The following KCNQ3 variants were observed in gnomAD, a reference collection of about 807,000 sequenced individuals.
KCNQ3 encodes the protein potassium voltage-gated channel subfamily KQT member 3.
A neutral mutation model predicts 92.5 loss-of-function variants in KCNQ3; 30 were observed. The observed-to-expected ratio is 0.32, with a 90% confidence interval of 0.24 to 0.44. KCNQ3 has a LOEUF of 0.44. Ranked by LOEUF, KCNQ3 falls within the 20% of genes least tolerant of loss-of-function variation. The pLI, the probability that KCNQ3 is intolerant of heterozygous loss-of-function variation, is 1.00. For synonymous variants in KCNQ3, 450 were observed against 468.8 expected (o/e 0.96, Z 0.52); for missense variants, 913 against 1,140.3 (o/e 0.80, Z 2.87).
intron 1 of KCNQ3, among the ~76,000 whole-genome samples, chr8:132,477,493 A>C (rs1822441876): frequency 6.6e-6 from 1 of 152,234 alleles, no homozygotes; most frequent in Non-Finnish European, 1.5e-5. Context: ...TGAATCATCA[A>C]GGAAAGGTTC....
chr8:132,210,633 C>T (rs1367772508), intron 1 of KCNQ3, among the ~76,000 whole-genome samples: 1 of 152,316 alleles, frequency 6.6e-6, no homozygotes, highest in East Asian at 1.9e-4. Flanking sequence ...ACTGGGTTCT[C>T]ATCAGAGGTT....
At chr8:132,199,790 A>G (rs965527785) in intron 1 of KCNQ3, among the ~76,000 whole-genome samples, 12 of 152,012 alleles carry the variant, frequency 7.9e-5, no homozygotes, top group African/African-American at 2.7e-4. Context: ...GGCATCTGTA[A>G]TCTCAGCTAT....
At chr8:132,392,963 A>C in intron 1 of KCNQ3, among the ~76,000 whole-genome samples, 1 of 151,284 alleles carries the variant, frequency 6.6e-6, no homozygotes, top group Non-Finnish European at 1.5e-5. Context: ...TCTTGCACAG[A>C]CTCTAGAATA....
At chr8:132,134,158 A>G in intron 13 of KCNQ3, 132 bp downstream of exon 13, 1 of 743,054 alleles carries the variant, frequency 1.3e-6, no homozygotes, top group Non-Finnish European at 2.4e-6. Context: ...AACAAGCTTC[A>G]AACTCTTTCT....
chr8:132,478,120 C>T (rs1028846391), intron 1 of KCNQ3, among the ~76,000 whole-genome samples: 13 of 152,200 alleles, frequency 8.5e-5, no homozygotes, highest in African/African-American at 2.7e-4. Flanking sequence ...AACTGACTTT[C>T]TTCTCACAAA....
intron 1 of KCNQ3, among the ~76,000 whole-genome samples, chr8:132,318,144 G>C (rs1274074208): frequency 3.3e-5 from 5 of 152,194 alleles, no homozygotes; most frequent in African/African-American, 9.7e-5. Flanking sequence ...AGATCTATGG[G>C]TATGGTAACC....
chr8:132,339,352 AC>A (rs764160986), intron 1 of KCNQ3, among the ~76,000 whole-genome samples: 31 of 152,062 alleles, frequency 2.0e-4, no homozygotes, highest in South Asian at 1.9e-3. Context: ...AATCTAGAGG[AC>A]CCCCTCACCC....
intron 1 of KCNQ3, among the ~76,000 whole-genome samples, chr8:132,414,754 A>G (rs984006509): frequency 1.3e-5 from 2 of 152,236 alleles, no homozygotes; most frequent in Admixed American, 1.3e-4. Flanking sequence ...AGACAGAGGG[A>G]GCAAACAAAC....
chr8:132,283,697 T>G (rs1044116241), intron 1 of KCNQ3, among the ~76,000 whole-genome samples: 2 of 152,186 alleles, frequency 1.3e-5, no homozygotes, highest in African/African-American at 4.8e-5. Flanking sequence ...TCATGTGGGG[T>G]TTGAACATGC....
intron 1 of KCNQ3, among the ~76,000 whole-genome samples, chr8:132,200,109 A>C (rs1827414051): frequency 6.6e-6 from 1 of 152,208 alleles, no homozygotes; most frequent in Non-Finnish European, 1.5e-5. Flanking sequence ...ATGGGGAAAG[A>C]AAATCATACC....
chr8:132,230,499 T>C (rs1814612303), intron 1 of KCNQ3, among the ~76,000 whole-genome samples: 1 of 149,460 alleles, frequency 6.7e-6, no homozygotes, highest in African/African-American at 2.5e-5. Flanking sequence ...TTTAACCTCT[T>C]ACCATATTAA....
chr8:132,263,797 A>G (rs934099208), intron 1 of KCNQ3, among the ~76,000 whole-genome samples: 2 of 152,166 alleles, frequency 1.3e-5, no homozygotes, highest in African/African-American at 4.8e-5. Flanking sequence ...CTATGACTTC[A>G]TCTTGGGCTC....
chr8:132,397,269 G>A (rs541266198), intron 1 of KCNQ3, among the ~76,000 whole-genome samples: 14 of 152,110 alleles, frequency 9.2e-5, no homozygotes, highest in South Asian at 2.1e-4. Context: ...CCATCTGACC[G>A]TGCCTCAGTG....
rs138657988 is a variant in KCNQ3, at chr8:132,377,484, C to T, written c.386+102663G>A. ...GTTAAAGAGCAGGAACAAAGGAACA[C>T]GAGAGGTAAGGAAGGGGCAGGAGGA... On this transcript the variant is annotated intron_variant, in intron 1 of 14. Transcript: ENST00000388996. Among the ~76,000 whole-genome samples the T allele has an allele frequency of 3.9e-5, 6 of 152,276 alleles. No individual in the cohort carries two copies. The East Asian group carries it at 9.6e-4, about 24-fold the overall frequency.
chr8:132,234,111 T>A (rs991658388), intron 1 of KCNQ3, among the ~76,000 whole-genome samples: 4 of 152,164 alleles, frequency 2.6e-5, no homozygotes, highest in Admixed American at 1.3e-4. Context: ...GTCTGTAGTT[T>A]TTTTGCAATC....
chr8:132,254,665 G>C (rs962885693), intron 1 of KCNQ3, among the ~76,000 whole-genome samples: 6 of 152,110 alleles, frequency 3.9e-5, no homozygotes, highest in African/African-American at 1.4e-4. Flanking sequence ...GATCACTTGA[G>C]GTCAGGAGTT....
intron 9 of KCNQ3, among the ~76,000 whole-genome samples, chr8:132,147,097 A>G (rs377487555): frequency 3.9e-5 from 6 of 152,254 alleles, no homozygotes; most frequent in Non-Finnish European, 8.8e-5. Flanking sequence ...AACAACAGAG[A>G]GAGACTGAAA....
At chr8:132,180,076 A>G (rs1826703703) in intron 4 of KCNQ3, 81 bp downstream of exon 4, 3 of 1,447,606 alleles carry the variant, frequency 2.1e-6, no homozygotes, top group Non-Finnish European at 2.9e-6. Context: ...TTCTGGGGAC[A>G]CTGCAAAGGA....
intron 1 of KCNQ3, among the ~76,000 whole-genome samples, chr8:132,282,715 C>T (rs1363919964): frequency 6.6e-6 from 1 of 152,188 alleles, no homozygotes; most frequent in Admixed American, 6.5e-5. Context: ...GTGCCACCAG[C>T]CCTCCCTTTC....
Sources: gnomAD v4.1 joint callset for allele counts (sites outside exome capture counted in the v4.1 genomes callset) on GRCh38, gnomAD v4.1.1 for gene constraint, MANE v1.5 for transcripts, NCBI Gene and HGNC (gene_info 2026-07-23, HGNC 2026-07-21) for gene names.